The following TUBGCP4 variants were observed in gnomAD, a reference collection of about 807,000 sequenced individuals.
The protein encoded by TUBGCP4 is tubulin gamma complex component 4, also known as gamma-tubulin complex component 4.
A neutral mutation model predicts 91.6 loss-of-function variants in TUBGCP4; 54 were observed. The ratio of observed to expected loss-of-function variants is 0.59; its 90% confidence interval spans 0.47 to 0.74. The LOEUF (loss-of-function observed/expected upper bound fraction) is 0.74. Among genes scored for constraint, TUBGCP4 ranks in the 30% least tolerant of loss-of-function variants. The pLI is 0.00. For missense variants in TUBGCP4, 593 were observed against 800.9 expected, an observed-to-expected ratio of 0.74 and a Z score of 3.13; for synonymous variants, 297 against 302.8, an observed-to-expected ratio of 0.98 and a Z score of 0.20.
At chr15:43,387,965 C>T (rs1293978991) in intron 9 of TUBGCP4, among the ~76,000 whole-genome samples, 2 of 152,104 alleles carry the variant, frequency 1.3e-5, no homozygotes, top group East Asian at 1.9e-4. Flanking sequence ...TCACGTGCCT[C>T]AGCCTCCTGA....
intron 17 of TUBGCP4, chr15:43,404,894 C>T (rs2044808848): frequency 8.1e-6 from 4 of 494,488 alleles, no homozygotes; most frequent in Non-Finnish European, 1.4e-5. Flanking sequence ...TCCCTAGCTT[C>T]CGCATCTGTG....
rs1233273574 is a variant in TUBGCP4 at position 43,371,418 on chromosome 15, C to T, written c.64C>T (p.Arg22Trp). The part of the protein sequence containing the change: ...YPGSIFTWNK[R>W]SGLQVSQDFP... ...TGGGTCCATTTTCACCTGGAACAAGCGGAGTGGCCTGCAGGTACTGTCCGG... is the reference window on the plus strand; with the variant it reads ...TGGGTCCATTTTCACCTGGAACAAGTGGAGTGGCCTGCAGGTACTGTCCGG... The change falls in exon 1 of 18, where the codon CGG becomes TGG. Residue 22 changes from arginine (R) to tryptophan (W), a missense_variant. By Grantham distance (101) the Arg-to-Trp change is moderately radical (BLOSUM62 -3). Transcript: ENST00000564079. The T allele has an allele frequency of 3.1e-6, 5 of 1,613,934 alleles. No homozygotes were observed. The highest frequency in any genetic ancestry group is 1.3e-5 in the African/African-American group (1 of 74,900).
chr15:43,371,363 C>G lies in TUBGCP4; in HGVS notation c.9C>G (p.His3Gln). 1 of 1,614,008 alleles carries G rather than the reference C, an allele frequency of 6.2e-7. No individual in the cohort carries two copies. The highest frequency in any genetic ancestry group is 1.3e-5 in the African/African-American group (1 of 75,048). Residue 3 changes from histidine (H) to glutamine (Q), a missense_variant, in exon 1 of 18, where the codon CAC becomes CAG. Physicochemically the swap from His to Gln is conservative, Grantham distance 24. Transcript: ENST00000564079. MIHELLLALSGYP... is the reference protein window; with the variant it reads MIQELLLALSGYP... ...CGAGGTCCGCCGTGGGAATGATCCA[C>G]GAACTGCTCTTGGCTCTGAGCGGGT...
In TUBGCP4 at chr15:43,405,233, T is replaced by G; in HGVS notation, c.*19T>G. 6.2e-7 allele frequency: 1 copy of G among 1,614,030 alleles called. No homozygotes were observed. Among genetic ancestry groups the G allele is most frequent in the Non-Finnish European group, 8.5e-7 (1 of 1,179,904 alleles). ...GATGTGAAAATTTCTGGCTCATAAA[T>G]TGAAATAACAGCCACGTTCCCAAGG... is the stretch of plus-strand genomic sequence containing the variant. On this transcript the variant is annotated 3_prime_UTR_variant, in exon 18 of 18. Transcript: ENST00000564079.
At chr15:43,388,786 G>A (rs962286731) in intron 9 of TUBGCP4, among the ~76,000 whole-genome samples, 1 of 152,240 alleles carries the variant, frequency 6.6e-6, no homozygotes, top group Middle Eastern at 3.4e-3. Flanking sequence ...ATAGACTTTG[G>A]AAGCATTATT....
intron 9 of TUBGCP4, among the ~76,000 whole-genome samples, chr15:43,387,021 C>T (rs1422437609): frequency 1.3e-5 from 2 of 152,158 alleles, no homozygotes; most frequent in Non-Finnish European, 2.9e-5. Context: ...GCAATAACTC[C>T]TAGGAATCAA....
intron 13 of TUBGCP4, among the ~76,000 whole-genome samples, chr15:43,399,713 T>A (rs952712951): frequency 6.6e-6 from 1 of 152,208 alleles, no homozygotes; most frequent in African/African-American, 2.4e-5. Context: ...TCAAAAATCA[T>A]GTTTTTGAAT....
In TUBGCP4 at chr15:43,401,709, C is replaced by T. The variant is rs1419693074; in HGVS notation, c.1597-7C>T. On this transcript the variant is annotated splice_region_variant and splice_polypyrimidine_tract_variant and intron_variant, in intron 14 of 17. Transcript: ENST00000564079. ...AAAGTGCTAAAATTTTTTGTAATGT[C>T]TATCAGGTAGATGTGTTGGAGTCTC... is the stretch of plus-strand genomic sequence containing the variant. 1 of 1,613,634 alleles carries T rather than the reference C, an allele frequency of 6.2e-7. No individual in the cohort carries two copies. Among genetic ancestry groups the T allele is most frequent in the Middle Eastern group, 1.7e-4 (1 of 6,058 alleles).
Position 43,408,203 on chromosome 15 carries a change from C to G in TUBGCP4, c.*2989C>G. 1.9e-6 allele frequency: 2 copies of G among 1,073,208 alleles called. No homozygotes were observed. The highest frequency in any genetic ancestry group is 1.6e-5 in the South Asian group (1 of 63,388). 66.5% of individuals were successfully genotyped at this position (1,073,208 alleles called of 1,614,324 possible). Reference sequence around the variant, plus strand: ...TTTCAAAAATAAATGCCCCATCAGACATAGTGTCTCAAGCCTGTAATCCCA... The same window carrying G: ...TTTCAAAAATAAATGCCCCATCAGAGATAGTGTCTCAAGCCTGTAATCCCA... On this transcript the variant is annotated 3_prime_UTR_variant, in exon 18 of 18. Coordinates refer to ENST00000564079, the MANE Select transcript of TUBGCP4 (RefSeq NM_014444.5).
At chr15:43,371,461 A>G in intron 1 of TUBGCP4, 29 bp downstream of exon 1, 9 of 1,612,138 alleles carry the variant, frequency 5.6e-6, no homozygotes, top group Non-Finnish European at 7.6e-6. Context: ...CGCGGGAACC[A>G]GGGAGCGCAG....
At chr15:43,390,050 T>A (rs2044440885) in intron 9 of TUBGCP4, among the ~76,000 whole-genome samples, 1 of 152,152 alleles carries the variant, frequency 6.6e-6, no homozygotes, top group East Asian at 1.9e-4. Flanking sequence ...TTATGGAAGC[T>A]ACAATTCAAG....
At chr15:43,382,186 T>C (rs1446388302) in intron 6 of TUBGCP4, among the ~76,000 whole-genome samples, 1 of 149,116 alleles carries the variant, frequency 6.7e-6, no homozygotes, top group Admixed American at 6.8e-5. Context: ...CACTCCAGCC[T>C]GGGCAACAGA....
chr15:43,382,758 C>T (rs187173664), intron 6 of TUBGCP4, among the ~76,000 whole-genome samples: 1 of 152,238 alleles, frequency 6.6e-6, no homozygotes, highest in East Asian at 1.9e-4. Context: ...AATTAATATG[C>T]TATCTGGTGG....
At chr15:43,399,332 C>T (rs949819186) in intron 13 of TUBGCP4, among the ~76,000 whole-genome samples, 3 of 152,240 alleles carry the variant, frequency 2.0e-5, no homozygotes, top group Admixed American at 6.5e-5. Context: ...CGGCTCTCAG[C>T]GACAGAGAAT....
chr15:43,407,231 A>AT lies in TUBGCP4; in HGVS notation c.*2019dup. The AT allele has an allele frequency of 1.5e-6, 1 of 668,762 alleles. No individual in the cohort carries two copies. The highest frequency in any genetic ancestry group is 3.0e-5 in the Admixed American group (1 of 33,896). The allele number at this position is 668,762 out of a possible 1,614,324, so 41.4% of individuals were successfully genotyped here. A position where few individuals can be genotyped will look rare whatever the true frequency, so the allele number is the denominator to read the frequency against. Reference sequence around the variant, plus strand: ...AATCCCAGTTACTACAACCAAAGAGATTCAACATTTATTTTATCATAAAAG... The same window carrying AT: ...AATCCCAGTTACTACAACCAAAGAGATTTCAACATTTATTTTATCATAAAAG... On this transcript the variant is annotated 3_prime_UTR_variant, in exon 18 of 18. Coordinates refer to ENST00000564079, the MANE Select transcript of TUBGCP4 (RefSeq NM_014444.5).
rs758073899 is a variant in TUBGCP4 at position 43,407,585 on chromosome 15, G to A, written c.*2371G>A. On this transcript the variant is annotated 3_prime_UTR_variant, in exon 18 of 18. Coordinates refer to ENST00000564079, the MANE Select transcript of TUBGCP4 (RefSeq NM_014444.5). ...TAAAGCAATATCTGCAAGGAGCAAG[G>A]GAAAGTGAAGAAGGAAAGGACACTC... 1.7e-5 allele frequency: 27 copies of A among 1,600,524 alleles called. No individual in the cohort carries two copies. In the East Asian group the frequency reaches 3.1e-4, roughly 19 times the overall value.
Position 43,383,281 on chromosome 15 carries a change from TCTTA to T in TUBGCP4, c.522-18_522-15del, listed in dbSNP as rs752630422. The T allele has an allele frequency of 6.2e-6, 10 of 1,604,600 alleles. No homozygotes were observed. The Admixed American group carries it at 1.7e-4, about 27-fold the overall frequency. ...CAGTTTAAAGCATGACTTCTGAGCC[TCTTA>T]CTTTCTACTCTGCCCAGAATCCTGG... On this transcript the variant is annotated intron_variant, in intron 6 of 17. Coordinates refer to ENST00000564079, the MANE Select transcript of TUBGCP4 (RefSeq NM_014444.5).
chr15:43,386,109 T>G (rs2044353465), intron 8 of TUBGCP4, 97 bp from the exon 9 acceptor site: 1 of 1,531,766 alleles, frequency 6.5e-7, no homozygotes, highest in South Asian at 1.3e-5. Context: ...GAGAAGCAGG[T>G]GAAGTTGCTG....
chr15:43,405,183 C>T lies in TUBGCP4; in HGVS notation c.1989-19C>T. ...TGGGAAAGCATGACACTTAATAAGG[C>T]TCTTTTTCTCTTTTGTAGTTTCGGG... is the stretch of plus-strand genomic sequence containing the variant. On this transcript the variant is annotated intron_variant, in intron 17 of 17. Coordinates refer to ENST00000564079, the MANE Select transcript of TUBGCP4 (RefSeq NM_014444.5). 1 of 1,614,034 alleles carries T rather than the reference C, an allele frequency of 6.2e-7. No homozygotes were observed. The highest frequency in any genetic ancestry group is 8.5e-7 in the Non-Finnish European group (1 of 1,179,928).
Sources: gnomAD v4.1 joint callset for allele counts (sites outside exome capture counted in the v4.1 genomes callset) on GRCh38, gnomAD v4.1.1 for gene constraint, MANE v1.5 for transcripts, NCBI Gene and HGNC (gene_info 2026-07-23, HGNC 2026-07-21) for gene names.